Variants in B3GAT1 observed in about 807,000 individuals in gnomAD.
B3GAT1 encodes the protein galactosylgalactosylxylosylprotein 3-beta-glucuronosyltransferase 1.
A neutral mutation model predicts 28.4 loss-of-function variants in B3GAT1; 11 were observed. The observed-to-expected ratio is 0.39, with a 90% CI of 0.24 to 0.64. B3GAT1 has a LOEUF of 0.64. B3GAT1 is among the 30% of genes least tolerant of loss of function. B3GAT1 has a pLI of 0.50. For synonymous variants in B3GAT1, 255 were observed against 223.1 expected, an observed-to-expected ratio of 1.14 and a Z score of -1.27; for missense variants, 375 against 491.0, an observed-to-expected ratio of 0.76 and a Z score of 2.23.
At chr11:134,404,106 G>C (rs1420432159) in intron 1 of B3GAT1, among the ~76,000 whole-genome samples, 2 of 148,108 alleles carry the variant, frequency 1.4e-5, no homozygotes, top group Non-Finnish European at 3.0e-5. Context: ...TGCCATGTTG[G>C]TGTGCTGCAC....
At chr11:134,405,073 G>A (rs1565459969) in intron 1 of B3GAT1, among the ~76,000 whole-genome samples, 1 of 152,166 alleles carries the variant, frequency 6.6e-6, no homozygotes, top group Non-Finnish European at 1.5e-5. Flanking sequence ...GAAGAAGAAG[G>A]GCTGGGGCAG....
chr11:134,387,538 G>T lies in B3GAT1; in HGVS notation c.112+10C>A. On this transcript the variant is annotated intron_variant, in intron 2 of 5. Transcript: ENST00000312527. The stretch of plus-strand genomic sequence containing the variant: ...CCAGCTGGGCAGGCAGGGCATGCGT[G>T]CGTGCTCACCCTTATGTACCGCGAG... The T allele has an allele frequency of 1.2e-6, 2 of 1,613,622 alleles. No individual in the cohort carries two copies. The highest frequency in any genetic ancestry group is 1.7e-6 in the Non-Finnish European group (2 of 1,179,922).
chr11:134,385,715 G>A (rs1944265146), intron 2 of B3GAT1: 1 of 152,252 alleles, frequency 6.6e-6, no homozygotes, highest in Non-Finnish European at 1.5e-5. Context: ...TGTGCCCTTG[G>A]ACAGTCCCCA....
intron 1 of B3GAT1, among the ~76,000 whole-genome samples, chr11:134,409,061 T>C (rs886545538): frequency 6.6e-6 from 1 of 152,206 alleles, no homozygotes; most frequent in African/African-American, 2.4e-5. Context: ...TGAGGGTGTA[T>C]AAAATAAATA....
At chr11:134,403,473 T>G (rs1944661290) in intron 1 of B3GAT1, among the ~76,000 whole-genome samples, 2 of 152,174 alleles carry the variant, frequency 1.3e-5, no homozygotes, top group African/African-American at 4.8e-5. Flanking sequence ...CAGCCCTGGA[T>G]GCAGGAAGGG....
intron 1 of B3GAT1, among the ~76,000 whole-genome samples, chr11:134,397,110 C>T (rs61908691): frequency 6.6e-6 from 1 of 152,194 alleles, no homozygotes; most frequent in Non-Finnish European, 1.5e-5. Flanking sequence ...TCCACCTTCT[C>T]CCTGCATCAG....
chr11:134,405,076 T>C (rs1944704694), intron 1 of B3GAT1, among the ~76,000 whole-genome samples: 2 of 151,992 alleles, frequency 1.3e-5, no homozygotes, highest in Admixed American at 1.3e-4. Context: ...GAAGAAGGGC[T>C]GGGGCAGGCA....
rs1481039913 is a variant in B3GAT1 at position 134,412,105 on chromosome 11, AG to A, written c.-581del. ...GGGAGGCGGGGGGCGGGGGGCGGGGAGGGGGAGCGGGGAGGGGGAGCGGGGA... is the reference window on the plus strand; with the variant it reads ...GGGAGGCGGGGGGCGGGGGGCGGGGAGGGGAGCGGGGAGGGGGAGCGGGGA... On this transcript the variant is annotated 5_prime_UTR_variant, in exon 1 of 6. Transcript: ENST00000312527. Among the ~76,000 whole-genome samples the A allele has an allele frequency of 5.3e-5, 3 of 56,578 alleles. No homozygotes were observed. Among genetic ancestry groups the A allele is most frequent in the Non-Finnish European group, 7.9e-5 (2 of 25,292 alleles). 37.1% of individuals were successfully genotyped at this position (56,578 alleles called of 152,430 possible). A position where few individuals can be genotyped will look rare whatever the true frequency, so the allele number is the denominator to read the frequency against.
In B3GAT1 at chr11:134,393,786, G is replaced by C. The variant is rs1944454806; in HGVS notation, c.-281-5846C>G. 6.6e-6 allele frequency among the ~76,000 whole-genome samples: 1 copy of C among 152,168 alleles called. No homozygotes were observed. The highest frequency in any genetic ancestry group is 1.5e-5 in the Non-Finnish European group (1 of 68,020). On this transcript the variant is annotated intron_variant, in intron 1 of 5. Transcript: ENST00000312527. The surrounding 1 kb of genome is among the most constrained non-coding windows in gnomAD (Gnocchi z 4.0). The stretch of plus-strand genomic sequence containing the variant: ...GGCATCACACGGCGCCGGTCAGTGT[G>C]CTGTGCGGACCGGGTGCAGGACACC...
chr11:134,404,068 G>A (rs917430224), intron 1 of B3GAT1, among the ~76,000 whole-genome samples: 17 of 141,878 alleles, frequency 1.2e-4, no homozygotes, highest in African/African-American at 4.5e-4. Flanking sequence ...TGTGCACAAT[G>A]TGCAGGTTTG....
rs1026894907 is a variant in B3GAT1, at chr11:134,411,507, C to G, written c.-282+300G>C. ...GGGGCCGGGAACTGACGACTGAGAGCCCGGGCCGATTGTTAGAAGCTGCTG... is the reference window on the plus strand; with the variant it reads ...GGGGCCGGGAACTGACGACTGAGAGGCCGGGCCGATTGTTAGAAGCTGCTG... On this transcript the variant is annotated intron_variant, in intron 1 of 5. Coordinates refer to ENST00000312527, the MANE Select transcript of B3GAT1 (RefSeq NM_054025.3). This position sits in a 1 kb window ranked among gnomAD's most constrained non-coding sequence, Gnocchi z 6.0. 6.6e-6 allele frequency among the ~76,000 whole-genome samples: 1 copy of G among 152,120 alleles called. No homozygotes were observed. The highest frequency in any genetic ancestry group is 2.4e-5 in the African/African-American group (1 of 41,438).
At chr11:134,401,480 A>T (rs962011992) in intron 1 of B3GAT1, among the ~76,000 whole-genome samples, 3 of 152,220 alleles carry the variant, frequency 2.0e-5, no homozygotes, top group Non-Finnish European at 2.9e-5. Flanking sequence ...GTAACACAGG[A>T]ACAGAAAACC....
At chr11:134,399,056 C>T (rs894093188) in intron 1 of B3GAT1, among the ~76,000 whole-genome samples, 6 of 152,078 alleles carry the variant, frequency 3.9e-5, no homozygotes, top group South Asian at 2.1e-4. Flanking sequence ...GCTCCCTCCC[C>T]GGGGGGGCTC....
chr11:134,380,855 C>T (rs1453313605), intron 5 of B3GAT1, 108 bp from the exon 6 acceptor site: 2 of 152,332 alleles, frequency 1.3e-5, no homozygotes, highest in Non-Finnish European at 2.9e-5. Context: ...GCCCCCAGGT[C>T]CTGTGGGGGC....
chr11:134,381,371 AC>A (rs1334300412), intron 5 of B3GAT1, among the ~76,000 whole-genome samples: 5 of 152,238 alleles, frequency 3.3e-5, no homozygotes, highest in African/African-American at 1.2e-4. Flanking sequence ...TCAGCAACCT[AC>A]TTCACAGATG....
chr11:134,380,935 C>T (rs560887005), intron 5 of B3GAT1, among the ~76,000 whole-genome samples, 188 bp from the exon 6 acceptor site: 3 of 152,232 alleles, frequency 2.0e-5, no homozygotes, highest in African/African-American at 7.2e-5. Context: ...AAGTGAGGCT[C>T]GGTACAGATG....
At chr11:134,398,150 G>T (rs1218969692) in intron 1 of B3GAT1, among the ~76,000 whole-genome samples, 4 of 152,196 alleles carry the variant, frequency 2.6e-5, no homozygotes, top group Non-Finnish European at 4.4e-5. Flanking sequence ...CTGGCCTGCT[G>T]CTTGACACCC....
At chr11:134,392,217 C>T (rs554300912) in intron 1 of B3GAT1, 1 of 152,246 alleles carries the variant, frequency 6.6e-6, no homozygotes, top group South Asian at 2.1e-4. Flanking sequence ...GACTTAAGGG[C>T]CAGCACCCGT....
In B3GAT1 at chr11:134,380,046, G is replaced by A. The variant is rs1944088833; in HGVS notation, c.*716C>T. On this transcript the variant is annotated 3_prime_UTR_variant, in exon 6 of 6. Coordinates refer to ENST00000312527, the MANE Select transcript of B3GAT1 (RefSeq NM_054025.3). ...CTGGAGGAGAAGGGGTAAAGGAAGA[G>A]GGGCCGGAGGGGGGGACTCTGCTCC... 1 of 152,854 alleles carries A rather than the reference G, an allele frequency of 6.5e-6. No individual in the cohort carries two copies. The allele number at this position is 152,854 out of a possible 1,614,324, so 9.5% of individuals were successfully genotyped here.
Sources: allele counts gnomAD v4.1 joint callset (sites outside exome capture counted in the v4.1 genomes callset), GRCh38; gene constraint gnomAD v4.1.1; non-coding constraint Gnocchi (gnomAD v3.1); transcripts MANE v1.5; gene names NCBI Gene and HGNC (gene_info 2026-07-23, HGNC 2026-07-21).